The following CACNB2 variants were observed in gnomAD, a reference collection of about 807,000 sequenced individuals.
CACNB2 encodes voltage-dependent L-type calcium channel subunit beta-2.
A neutral mutation model predicts 73.3 loss-of-function variants in CACNB2; 42 were observed. That is an observed-to-expected ratio of 0.57 (90% CI 0.45 to 0.74). The LOEUF (loss-of-function observed/expected upper bound fraction) is 0.74. CACNB2 is among the 30% of genes least tolerant of loss of function. CACNB2 has a pLI of 0.00. For synonymous variants in CACNB2, 348 were observed against 310.3 expected, an observed-to-expected ratio of 1.12 and a Z score of -1.28; for missense variants, 940 against 853.0, an observed-to-expected ratio of 1.10 and a Z score of -1.27.
intron 3 of CACNB2, among the ~76,000 whole-genome samples, chr10:18,410,555 T>G (rs2044562778): frequency 6.6e-6 from 1 of 152,108 alleles, no homozygotes; most frequent in Non-Finnish European, 1.5e-5. Flanking sequence ...ATTGTGAACA[T>G]TATATGGGAG....
intron 3 of CACNB2, among the ~76,000 whole-genome samples, chr10:18,485,358 C>T (rs1321995369): frequency 6.6e-6 from 1 of 152,026 alleles, no homozygotes; most frequent in South Asian, 2.1e-4. Flanking sequence ...TGACCTGGTT[C>T]CTGTAAGTAT....
intron 4 of CACNB2, among the ~76,000 whole-genome samples, chr10:18,499,284 C>T (rs1454632213): frequency 1.3e-5 from 2 of 152,124 alleles, no homozygotes; most frequent in African/African-American, 4.8e-5. Context: ...CTCTTCACTG[C>T]ACTAAAGGCT....
intron 3 of CACNB2, among the ~76,000 whole-genome samples, chr10:18,429,651 A>C (rs1363444221): frequency 6.5e-5 from 9 of 137,744 alleles, no homozygotes; most frequent in Admixed American, 1.5e-4. Flanking sequence ...ACATAGCAAG[A>C]CTCCGTCTCT....
At chr10:18,445,732 C>A (rs2046700389) in intron 3 of CACNB2, among the ~76,000 whole-genome samples, 1 of 152,140 alleles carries the variant, frequency 6.6e-6, no homozygotes, top group South Asian at 2.1e-4. Flanking sequence ...CCAGGAAGCC[C>A]TGTAGAAGTG....
intron 2 of CACNB2, among the ~76,000 whole-genome samples, chr10:18,280,015 G>T (rs1040870986): frequency 1.3e-5 from 2 of 152,188 alleles, no homozygotes; most frequent in African/African-American, 4.8e-5. Context: ...GGAGGTGGAG[G>T]TTGCTGTGAG....
At chr10:18,400,991 C>G (rs373457804) in intron 2 of CACNB2, 1 of 1,613,706 alleles carries the variant, frequency 6.2e-7, no homozygotes. Flanking sequence ...GAACCTGTGC[C>G]CGGGGCTGCA....
At chr10:18,340,123 G>A (rs1434887972) in intron 2 of CACNB2, among the ~76,000 whole-genome samples, 1 of 152,014 alleles carries the variant, frequency 6.6e-6, no homozygotes, top group Non-Finnish European at 1.5e-5. Flanking sequence ...TTGGTTGTGA[G>A]CCTTTTGATT....
chr10:18,519,269 C>G (rs1219437443), intron 9 of CACNB2, among the ~76,000 whole-genome samples: 2 of 152,186 alleles, frequency 1.3e-5, no homozygotes, highest in East Asian at 1.9e-4. Flanking sequence ...CCAGGCATCG[C>G]ACTAAATATC....
chr10:18,253,093 A>T (rs143272998), intron 2 of CACNB2, among the ~76,000 whole-genome samples: 5 of 152,342 alleles, frequency 3.3e-5, no homozygotes, highest in African/African-American at 1.2e-4. Context: ...CAGTGCCTCA[A>T]TCACTTCGTA....
At chr10:18,479,948 A>T (rs1378892939) in intron 3 of CACNB2, among the ~76,000 whole-genome samples, 1 of 152,186 alleles carries the variant, frequency 6.6e-6, no homozygotes, top group Non-Finnish European at 1.5e-5. Context: ...TTTTTAATTT[A>T]AAAATGTTAT....
At chr10:18,228,433 CAAA>C (rs1164745930) in intron 2 of CACNB2, among the ~76,000 whole-genome samples, 1 of 34,796 alleles carries the variant, frequency 2.9e-5, no homozygotes, top group Non-Finnish European at 5.1e-5. Flanking sequence ...AACTCTACCT[CAAA>C]AAAAAAAAAA....
At chr10:18,518,457 G>T (rs2051497734) in intron 8 of CACNB2, 41 bp downstream of exon 8, 2 of 1,334,586 alleles carry the variant, frequency 1.5e-6, no homozygotes, top group Non-Finnish European at 1.1e-6. Context: ...CTTGCATGCT[G>T]AACTTCTTTG....
intron 2 of CACNB2, among the ~76,000 whole-genome samples, chr10:18,287,958 C>T (rs1341308921): frequency 6.6e-6 from 1 of 152,198 alleles, no homozygotes; most frequent in Non-Finnish European, 1.5e-5. Flanking sequence ...TGTTTGCTGA[C>T]AGTCCTGGCA....
Position 18,247,483 on chromosome 10 carries a change from G to A in CACNB2, c.213+96508G>A, listed in dbSNP as rs939178871. Among the ~76,000 whole-genome samples, 3 of 152,134 alleles carry A rather than the reference G, an allele frequency of 2.0e-5. No individual in the cohort carries two copies. In the South Asian group the frequency reaches 6.2e-4, roughly 32 times the overall value. ...AGAGTTGCCCAGTAGGGGGTATGAA[G>A]TGCCGGCTGGATATAGGAAGATTGT... On this transcript the variant is annotated intron_variant, in intron 2 of 13. Transcript: ENST00000324631.
At chr10:18,286,475 G>A (rs958505084) in intron 2 of CACNB2, among the ~76,000 whole-genome samples, 2 of 122,118 alleles carry the variant, frequency 1.6e-5, no homozygotes, top group Admixed American at 1.1e-4. Flanking sequence ...CCGAGATAGC[G>A]CCACTGCACT....
chr10:18,539,138 T>G, intron 13 of CACNB2, 92 bp from the exon 14 acceptor site: 1 of 1,543,080 alleles, frequency 6.5e-7, no homozygotes, highest in Non-Finnish European at 8.9e-7. Context: ...TTCGGATGCT[T>G]AAAAAGGACT....
rs2041196584 is a variant in CACNB2 at position 18,340,710 on chromosome 10, C to A, written c.214-61214C>A. The A allele has an allele frequency of 5.6e-6, 8 of 1,440,526 alleles. No individual in the cohort carries two copies. The South Asian group carries it at 1.2e-4, about 21-fold the overall frequency. The allele number at this position is 1,440,526 out of a possible 1,614,324, so 89.2% of individuals were successfully genotyped here. A position where few individuals can be genotyped will look rare whatever the true frequency, so the allele number is the denominator to read the frequency against. ...GACTTTGATGAGCTCCTCTGCTCTG[C>A]CTAAGTGGTTCTGGAACAGAGAGCT... is the stretch of plus-strand genomic sequence containing the variant. On this transcript the variant is annotated intron_variant, in intron 2 of 13. Transcript: ENST00000324631.
chr10:18,471,374 G>A (rs1370846929), intron 3 of CACNB2, among the ~76,000 whole-genome samples: 1 of 152,048 alleles, frequency 6.6e-6, no homozygotes. Context: ...GTTTCTGGAA[G>A]ACCTTAAAAT....
chr10:18,387,226 C>T (rs2043273732), intron 2 of CACNB2, among the ~76,000 whole-genome samples: 2 of 152,198 alleles, frequency 1.3e-5, no homozygotes, highest in African/African-American at 2.4e-5. Flanking sequence ...CTGCAAAACA[C>T]AGCCTAAATA....
Sources: gnomAD v4.1 joint callset for allele counts (sites outside exome capture counted in the v4.1 genomes callset) on GRCh38, gnomAD v4.1.1 for gene constraint, MANE v1.5 for transcripts, NCBI Gene and HGNC (gene_info 2026-07-23, HGNC 2026-07-21) for gene names.